NDST4: variants seen among roughly 807,000 people sequenced by gnomAD.
NDST4 encodes N-heparan sulfate sulfotransferase 4.
Under a neutral mutation model 100.8 loss-of-function variants are expected in NDST4, and 63 were observed. The ratio of observed to expected loss-of-function variants is 0.62; its 90% CI spans 0.51 to 0.77. The LOEUF (loss-of-function observed/expected upper bound fraction) is 0.77, where lower values mean the gene tolerates loss of function less well. Ranked by LOEUF, NDST4 falls within the 30% of genes least tolerant of loss-of-function variation. The pLI is 0.00. For missense variants in NDST4, 943 were observed against 1,018.4 expected (o/e 0.93, Z 1.01); for synonymous variants, 377 against 361.8 (o/e 1.04, Z -0.48).
intron 1 of NDST4, among the ~76,000 whole-genome samples, chr4:115,096,331 A>C (rs1729620831): frequency 2.0e-5 from 3 of 152,046 alleles, no homozygotes; most frequent in Non-Finnish European, 2.9e-5. Flanking sequence ...TGAGCTTTTA[A>C]TTCTGTGATA....
At chr4:114,903,346 C>T (rs927411913) in intron 6 of NDST4, among the ~76,000 whole-genome samples, 1 of 151,996 alleles carries the variant, frequency 6.6e-6, no homozygotes, top group African/African-American at 2.4e-5. Context: ...TATTTTTCTC[C>T]AGTATTCACT....
At chr4:114,835,541 G>A (rs1405647544) in intron 11 of NDST4, among the ~76,000 whole-genome samples, 4 of 152,116 alleles carry the variant, frequency 2.6e-5, no homozygotes, top group East Asian at 1.9e-4. Context: ...TTCCCATTAC[G>A]TGGTCAATTT....
chr4:114,904,183 AT>A, intron 6 of NDST4, among the ~76,000 whole-genome samples: 1 of 152,102 alleles, frequency 6.6e-6, no homozygotes, highest in Admixed American at 6.6e-5. Context: ...TAGTGGCAGT[AT>A]TTTTGACCAT....
intron 4 of NDST4, among the ~76,000 whole-genome samples, chr4:114,957,849 C>T (rs1726172973): frequency 6.6e-6 from 1 of 152,182 alleles, no homozygotes. Flanking sequence ...CCAAAATGAT[C>T]TCCTTTGATG....
intron 4 of NDST4, among the ~76,000 whole-genome samples, chr4:114,942,380 TA>T (rs1195838455): frequency 6.6e-6 from 1 of 152,046 alleles, no homozygotes; most frequent in Non-Finnish European, 1.5e-5. Context: ...TAAGATTATT[TA>T]ATTTTTTAAA....
intron 6 of NDST4, among the ~76,000 whole-genome samples, chr4:114,889,791 C>T (rs1009162384): frequency 4.6e-5 from 7 of 152,078 alleles, no homozygotes; most frequent in African/African-American, 1.7e-4. Flanking sequence ...CGGGCTTCAT[C>T]GTTTTCTAAC....
chr4:115,030,654 T>C (rs986148655), intron 2 of NDST4, among the ~76,000 whole-genome samples: 1 of 152,116 alleles, frequency 6.6e-6, no homozygotes, highest in Non-Finnish European at 1.5e-5. Context: ...ATGTTAAAAA[T>C]ATAATACTGA....
intron 2 of NDST4, among the ~76,000 whole-genome samples, chr4:115,011,262 CCAAA>C (rs1560857883): frequency 6.6e-6 from 1 of 151,918 alleles, no homozygotes; most frequent in Admixed American, 6.6e-5. Context: ...TACTGATAGG[CCAAA>C]CAATTACCTT....
chr4:114,880,562 C>T (rs11936553), intron 6 of NDST4, among the ~76,000 whole-genome samples: 11,835 of 152,068 alleles, frequency 0.078, 512 homozygotes, highest in African/African-American at 0.1. Flanking sequence ...AAATAGAGTT[C>T]AACAGTTTTC....
At chr4:114,919,756 G>C (rs571454140) in intron 6 of NDST4, among the ~76,000 whole-genome samples, 2 of 152,166 alleles carry the variant, frequency 1.3e-5, no homozygotes, top group Non-Finnish European at 2.9e-5. Context: ...AACTGCTCTA[G>C]GGATAATGGA....
At chr4:114,904,825 C>A (rs1008129858) in intron 6 of NDST4, among the ~76,000 whole-genome samples, 10 of 151,920 alleles carry the variant, frequency 6.6e-5, no homozygotes, top group Non-Finnish European at 1.2e-4. Flanking sequence ...GTAGGCCACA[C>A]TTGTGCTATA....
Position 114,827,813 on chromosome 4 carries a change from G to T in NDST4, c.*3C>A. The T allele has an allele frequency of 6.2e-7, 1 of 1,610,006 alleles. No homozygotes were observed. The highest frequency in any genetic ancestry group is 8.5e-7 in the Non-Finnish European group (1 of 1,178,604). The stretch of plus-strand genomic sequence containing the variant: ...TTGAGAGGCTTAGTTCTTGTCTCCA[G>T]TGCTATCTCACTTTCTGCAGTTCCT... On this transcript the variant is annotated 3_prime_UTR_variant, in exon 14 of 14. Coordinates refer to ENST00000264363, the MANE Select transcript of NDST4 (RefSeq NM_022569.3).
rs1727799649 is a variant in NDST4, at chr4:115,020,989, T to C, written c.979-43715A>G. On this transcript the variant is annotated intron_variant, in intron 2 of 13. Coordinates refer to ENST00000264363, the MANE Select transcript of NDST4 (RefSeq NM_022569.3). The stretch of plus-strand genomic sequence containing the variant: ...TCAATGTAAACTAGTACAACCACTA[T>C]GGAAAACAATGTGGAGATTCCTTAA... Among the ~76,000 whole-genome samples, 3 of 152,166 alleles carry C rather than the reference T, an allele frequency of 2.0e-5. No individual in the cohort carries two copies. In the South Asian group the frequency reaches 6.2e-4, roughly 32 times the overall value.
chr4:114,972,579 C>A (rs922093597), intron 3 of NDST4, among the ~76,000 whole-genome samples: 1 of 151,778 alleles, frequency 6.6e-6, no homozygotes, highest in Non-Finnish European at 1.5e-5. Flanking sequence ...AAGAGTTTAC[C>A]ACTTCCTCAG....
intron 6 of NDST4, among the ~76,000 whole-genome samples, chr4:114,883,886 G>C (rs1471387712): frequency 5.3e-5 from 8 of 152,204 alleles, no homozygotes; most frequent in Non-Finnish European, 1.0e-4. Flanking sequence ...GTTCCTATGA[G>C]AATCTAATGC....
intron 10 of NDST4, among the ~76,000 whole-genome samples, chr4:114,840,262 C>A (rs1303790603): frequency 6.6e-6 from 1 of 152,154 alleles, no homozygotes; most frequent in Non-Finnish European, 1.5e-5. Context: ...ACCAAACTAT[C>A]ATTGGTCAAA....
chr4:114,975,952 T>C (rs1437547539), intron 3 of NDST4, among the ~76,000 whole-genome samples: 1 of 152,058 alleles, frequency 6.6e-6, no homozygotes, highest in Non-Finnish European at 1.5e-5. Context: ...CTGACCCAAA[T>C]CTCTTTCTGC....
chr4:114,933,122 A>G (rs2126224330), intron 6 of NDST4, among the ~76,000 whole-genome samples: 1 of 152,256 alleles, frequency 6.6e-6, no homozygotes, highest in Non-Finnish European at 1.5e-5. Flanking sequence ...ATAAAGAGTG[A>G]CATAAAGACC....
chr4:114,964,950 C>G (rs1008891588), intron 4 of NDST4, among the ~76,000 whole-genome samples: 4 of 151,074 alleles, frequency 2.6e-5, no homozygotes, highest in African/African-American at 9.7e-5. Context: ...TTTTCAATGC[C>G]TTGGTGCTTC....
Sources: allele counts gnomAD v4.1 joint callset (sites outside exome capture counted in the v4.1 genomes callset), GRCh38; gene constraint gnomAD v4.1.1; transcripts MANE v1.5; gene names NCBI Gene and HGNC (gene_info 2026-07-23, HGNC 2026-07-21).